The following ARSG variants were observed in gnomAD, a reference collection of about 807,000 sequenced individuals.
ARSG encodes arylsulfatase G, also known as ASG.
Under a neutral mutation model 50.5 loss-of-function variants are expected in ARSG, and 37 were observed. That is an observed-to-expected ratio of 0.73 (90% CI 0.56 to 0.96). The LOEUF is 0.96. ARSG is among the 50% of genes least tolerant of loss of function. ARSG has a pLI of 0.00. For synonymous variants in ARSG, 225 were observed against 254.6 expected, an observed-to-expected ratio of 0.88 and a Z score of 1.11; for missense variants, 629 against 675.3, an observed-to-expected ratio of 0.93 and a Z score of 0.76.
At chr17:68,351,748 T>C in intron 5 of ARSG, 62 bp downstream of exon 5, 1 of 1,082,964 alleles carries the variant, frequency 9.2e-7, no homozygotes, top group Non-Finnish European at 1.4e-6. Context: ...AAGACTGTGG[T>C]CCATCAGCAA....
chr17:68,420,807 G>A lies in ARSG; in HGVS notation c.*344G>A. The A allele has an allele frequency of 3.6e-6, 1 of 280,386 alleles. No individual in the cohort carries two copies. The highest frequency in any genetic ancestry group is 6.7e-6 in the Non-Finnish European group (1 of 148,354). The allele number at this position is 280,386 out of a possible 1,614,324, so 17.4% of individuals were successfully genotyped here. A position where few individuals can be genotyped will look rare whatever the true frequency, so the allele number is the denominator to read the frequency against. On this transcript the variant is annotated 3_prime_UTR_variant, in exon 12 of 12. Transcript: ENST00000621439. ...ATAAAGGCATACATGAAAATGCCTG[G>A]CAAATTACCTGACACAGAGCAGACA...
chr17:68,312,661 A>C (rs900015687), intron 2 of ARSG, among the ~76,000 whole-genome samples: 6 of 152,178 alleles, frequency 3.9e-5, no homozygotes, highest in Non-Finnish European at 7.3e-5. Flanking sequence ...GCCTTGTGAC[A>C]GTGGCCAGGT....
At chr17:68,321,464 C>T (rs373955334) in intron 2 of ARSG, among the ~76,000 whole-genome samples, 1 of 152,158 alleles carries the variant, frequency 6.6e-6, no homozygotes, top group African/African-American at 2.4e-5. Flanking sequence ...TCCCTTTACA[C>T]ACAAAGGCCG....
chr17:68,450,623 G>C, the ARSG span: 1 of 1,419,302 alleles, frequency 7.0e-7, no homozygotes, highest in African/African-American at 1.4e-5. Context: ...ATTCTCATTA[G>C]AATTGGAAGC....
At chr17:68,350,742 C>A (rs1209036865) in intron 4 of ARSG, among the ~76,000 whole-genome samples, 1 of 151,978 alleles carries the variant, frequency 6.6e-6, no homozygotes, top group Non-Finnish European at 1.5e-5. Flanking sequence ...CCGAGATTTC[C>A]CCACTGCACT....
At chr17:68,353,916 G>A (rs147681935) in intron 5 of ARSG, among the ~76,000 whole-genome samples, 1 of 151,644 alleles carries the variant, frequency 6.6e-6, no homozygotes, top group Non-Finnish European at 1.5e-5. Flanking sequence ...TGGCCAAGCT[G>A]GTCTTGAACT....
chr17:68,336,550 C>G (rs896958730), intron 2 of ARSG, among the ~76,000 whole-genome samples: 1 of 151,750 alleles, frequency 6.6e-6, no homozygotes, highest in Non-Finnish European at 1.5e-5. Context: ...TGATCAAATT[C>G]GCATTATGGA....
intron 2 of ARSG, among the ~76,000 whole-genome samples, chr17:68,325,603 C>G (rs117314895): frequency 1.3e-5 from 2 of 152,054 alleles, no homozygotes; most frequent in Admixed American, 6.6e-5. Context: ...TTGTAAGTGA[C>G]GGAAACCCAA....
chr17:68,295,646 C>T (rs183591870), intron 1 of ARSG, among the ~76,000 whole-genome samples: 159 of 148,810 alleles, frequency 1.1e-3, no homozygotes, highest in Non-Finnish European at 1.7e-3. Flanking sequence ...CTGGGCAACA[C>T]GGCAAGACAC....
chr17:68,281,293 T>G (rs58426209), intron 1 of ARSG, among the ~76,000 whole-genome samples: 28,691 of 151,546 alleles, frequency 0.19, 2,770 homozygotes, highest in Middle Eastern at 0.28. Context: ...AACAGGCTGG[T>G]GGCGGTGGCT....
downstream of ARSG, chr17:68,426,179 GA>G: frequency 6.5e-7 from 1 of 1,530,196 alleles, no homozygotes; most frequent in Non-Finnish European, 8.8e-7. Context: ...GAATAACCTG[GA>G]AACCAAGAAA....
At chr17:68,263,614 C>T (rs1300786471) in intron 1 of ARSG, among the ~76,000 whole-genome samples, 1 of 152,166 alleles carries the variant, frequency 6.6e-6, no homozygotes, top group East Asian at 1.9e-4. Context: ...GGACCACAGG[C>T]ATGAGCCACC....
intron 10 of ARSG, among the ~76,000 whole-genome samples, chr17:68,398,536 A>G (rs1293162469): frequency 6.6e-6 from 1 of 152,250 alleles, no homozygotes; most frequent in Admixed American, 6.5e-5. Flanking sequence ...TCCTGGGCTT[A>G]CAAGGATTCC....
At chr17:68,261,698 T>G (rs1348751720) in intron 1 of ARSG, among the ~76,000 whole-genome samples, 6 of 152,212 alleles carry the variant, frequency 3.9e-5, no homozygotes, top group Middle Eastern at 3.4e-3. Flanking sequence ...CAAGTACCAT[T>G]TTGAATAGGA....
chr17:68,324,406 C>A (rs2077420277), intron 2 of ARSG, among the ~76,000 whole-genome samples: 3 of 152,180 alleles, frequency 2.0e-5, no homozygotes, highest in African/African-American at 7.2e-5. Flanking sequence ...ACCTTCCCAG[C>A]CAAAGACTGG....
Position 68,368,641 on chromosome 17 carries a change from A to C in ARSG, c.798A>C (p.Arg266Ser). Residue 266 changes from arginine (R) to serine (S), a missense_variant, in exon 7 of 12, where the codon AGA (arginine) becomes AGC (serine). Transcript: ENST00000621439. Reference protein sequence around the residue: ...VTQLPAAPRGRSLYGAGLWEM... With the variant: ...VTQLPAAPRGSSLYGAGLWEM... ...AGCTACCAGCAGCGCCACGGGGCAG[A>C]AGCCTGTATGGTGCAGGGCTCTGGG... The C allele has an allele frequency of 6.2e-7, 1 of 1,614,234 alleles. No individual in the cohort carries two copies. Among genetic ancestry groups the C allele is most frequent in the East Asian group, 2.2e-5 (1 of 44,886 alleles).
intron 5 of ARSG, 43 bp downstream of exon 5, chr17:68,351,729 C>T (rs1285361091): frequency 2.6e-5 from 35 of 1,334,900 alleles, no homozygotes; most frequent in Non-Finnish European, 3.3e-5. Context: ...CAGGACAAGG[C>T]AAAGTTCCAA....
chr17:68,432,124 G>A, the ARSG span, among the ~76,000 whole-genome samples: 1 of 152,164 alleles, frequency 6.6e-6, no homozygotes, highest in African/African-American at 2.4e-5. Context: ...TGAGCTTTGG[G>A]TTACACCTGT....
Position 68,371,607 on chromosome 17 carries a change from C to T in ARSG, c.982+1083C>T, listed in dbSNP as rs117663679. ...ATATGGACCAAATGCTTGAAAAATACGCATATCATTTGATGCATCAATTCC... is the reference window on the plus strand; with the variant it reads ...ATATGGACCAAATGCTTGAAAAATATGCATATCATTTGATGCATCAATTCC... On this transcript the variant is annotated intron_variant, in intron 8 of 11. Coordinates refer to ENST00000621439, the MANE Select transcript of ARSG (RefSeq NM_001267727.2). Among the ~76,000 whole-genome samples the T allele has an allele frequency of 3.0e-3, 459 of 152,266 alleles. 2 individuals carry two copies. The highest frequency in any genetic ancestry group is 4.7e-3 in the Non-Finnish European group (322 of 68,034).
Sources: gnomAD v4.1 joint callset for allele counts (sites outside exome capture counted in the v4.1 genomes callset) on GRCh38, gnomAD v4.1.1 for gene constraint, MANE v1.5 for transcripts, NCBI Gene and HGNC (gene_info 2026-07-23, HGNC 2026-07-21) for gene names.